The following EDEM2 variants were observed in gnomAD, a reference collection of about 807,000 sequenced individuals.
EDEM2 encodes the protein ER degradation enhancing alpha-mannosidase like protein 2, also known as ER degradation-enhancing alpha-mannosidase-like protein 2.
A neutral mutation model predicts 64.8 loss-of-function variants in EDEM2; 39 were observed. The observed-to-expected ratio is 0.60, with a 90% confidence interval of 0.47 to 0.79. EDEM2 has a LOEUF of 0.79. Among genes scored for constraint, EDEM2 ranks in the 30% least tolerant of loss-of-function variants. The pLI is 0.00. For missense variants in EDEM2, 609 were observed against 731.3 expected (o/e 0.83, Z 1.93); for synonymous variants, 296 against 291.5 (o/e 1.02, Z -0.16).
intron 7 of EDEM2, among the ~76,000 whole-genome samples, chr20:35,128,240 G>C (rs1180620447): frequency 6.6e-6 from 1 of 151,918 alleles, no homozygotes; most frequent in Non-Finnish European, 1.5e-5. Flanking sequence ...AAAATTAGCT[G>C]GGTGTGGTGG....
At chr20:35,140,223 C>T (rs77092339) in intron 4 of EDEM2, among the ~76,000 whole-genome samples, 1,646 of 152,294 alleles carry the variant, frequency 0.011, 14 homozygotes, top group Non-Finnish European at 0.013. Context: ...AGTGGCTAAA[C>T]CTGTAATTCC....
At chr20:35,135,507 C>T (rs2085563875) in intron 5 of EDEM2, among the ~76,000 whole-genome samples, 1 of 152,152 alleles carries the variant, frequency 6.6e-6, no homozygotes, top group African/African-American at 2.4e-5. Context: ...AAAAATTAGG[C>T]AAGCGTGGTG....
chr20:35,124,154 C>T (rs1310323802), intron 8 of EDEM2, 120 bp from the exon 9 acceptor site: 1 of 1,251,990 alleles, frequency 8.0e-7, no homozygotes, highest in Non-Finnish European at 1.1e-6. Context: ...ATCCCTGAGT[C>T]TGCCAGTTAC....
intron 3 of EDEM2, 73 bp downstream of exon 3, chr20:35,144,906 G>A: frequency 1.3e-6 from 2 of 1,538,612 alleles, no homozygotes; most frequent in Admixed American, 1.7e-5. Flanking sequence ...TTCACCCACA[G>A]TCACGCTGCC....
intron 9 of EDEM2, among the ~76,000 whole-genome samples, chr20:35,119,279 C>T (rs533447791): frequency 1.3e-5 from 2 of 152,044 alleles, no homozygotes; most frequent in East Asian, 3.9e-4. Context: ...TAGGATGGAC[C>T]AAAAGAAAAG....
chr20:35,122,906 G>C (rs1600702950), intron 9 of EDEM2, among the ~76,000 whole-genome samples: 1 of 152,196 alleles, frequency 6.6e-6, no homozygotes, highest in African/African-American at 2.4e-5. Flanking sequence ...TGGGAAAGTG[G>C]GAAGTGTCTA....
At chr20:35,142,946 C>T (rs1202772147) in intron 3 of EDEM2, among the ~76,000 whole-genome samples, 6 of 152,118 alleles carry the variant, frequency 3.9e-5, no homozygotes, top group Admixed American at 2.0e-4. Flanking sequence ...TTAGTAGAGA[C>T]GGGGTTTCAC....
rs773151735 is a variant in EDEM2, at chr20:35,123,895, C to T, written c.1109G>A (p.Arg370Gln). ...AAGCCAGAAATGCTGCTCACCTGGC[C>T]GAAGTGGGTAGCCCTCTCGCTTCTC... ...TVEKREGYPL[R>Q]PELIESAMYL... The change falls in exon 9 of 11, where the codon CGG (arginine) becomes CAG (glutamine). Residue 370 changes from arginine to glutamine, a missense_variant. Arg to Gln is a conservative substitution (Grantham distance 43). Transcript: ENST00000374492. 12 of 1,613,530 alleles carry T rather than the reference C, an allele frequency of 7.4e-6. No individual in the cohort carries two copies. Among genetic ancestry groups the T allele is most frequent in the Admixed American group, 1.7e-5 (1 of 59,974 alleles).
At chr20:35,135,432 C>T (rs773312754) in intron 5 of EDEM2, among the ~76,000 whole-genome samples, 19 of 152,196 alleles carry the variant, frequency 1.2e-4, no homozygotes, top group Non-Finnish European at 2.2e-4. Flanking sequence ...AGGCAGATCA[C>T]TTGAGGCCAG....
At chr20:35,140,343 G>C (rs1359147457) in intron 4 of EDEM2, among the ~76,000 whole-genome samples, 1 of 152,090 alleles carries the variant, frequency 6.6e-6, no homozygotes, top group Non-Finnish European at 1.5e-5. Flanking sequence ...AATTAGCCTG[G>C]TGTGGTGGTG....
At chr20:35,143,579 C>T (rs1251982137) in intron 3 of EDEM2, among the ~76,000 whole-genome samples, 1 of 152,164 alleles carries the variant, frequency 6.6e-6, no homozygotes, top group Non-Finnish European at 1.5e-5. Context: ...TAGCCAAATG[C>T]AATCTCAATC....
Position 35,147,278 on chromosome 20 carries a change from C to G in EDEM2, c.-20G>C. 1.3e-6 allele frequency: 2 copies of G among 1,500,916 alleles called. No individual in the cohort carries two copies. The highest frequency in any genetic ancestry group is 2.6e-5 in the South Asian group (2 of 76,738). 93.0% of individuals were successfully genotyped at this position (1,500,916 alleles called of 1,614,324 possible). On this transcript the variant is annotated 5_prime_UTR_variant, in exon 1 of 11. Transcript: ENST00000374492. The stretch of plus-strand genomic sequence containing the variant: ...AGGCATAGAGCTCGTGTCCTCTCAG[C>G]GCCCCCGCAGCAGCAGCAGCCACTG...
intron 4 of EDEM2, among the ~76,000 whole-genome samples, chr20:35,140,189 A>G (rs1441465577): frequency 1.3e-5 from 2 of 152,230 alleles, no homozygotes; most frequent in African/African-American, 4.8e-5. Flanking sequence ...AAATAGTCAA[A>G]AAAGTGGTAA....
At chr20:35,131,294 T>C (rs1340751770) in intron 7 of EDEM2, among the ~76,000 whole-genome samples, 1 of 152,216 alleles carries the variant, frequency 6.6e-6, no homozygotes, top group African/African-American at 2.4e-5. Flanking sequence ...CTCACACCTG[T>C]GATCCCAACA....
chr20:35,127,003 G>A (rs1434968596), intron 7 of EDEM2, among the ~76,000 whole-genome samples: 1 of 152,156 alleles, frequency 6.6e-6, no homozygotes. Flanking sequence ...TTTCTCACGT[G>A]TTGTGGAAGG....
chr20:35,145,413 C>T (rs946718499), intron 2 of EDEM2, among the ~76,000 whole-genome samples: 1 of 152,194 alleles, frequency 6.6e-6, no homozygotes, highest in Non-Finnish European at 1.5e-5. Context: ...CTGGAAAGAA[C>T]CCAACTGTCC....
Position 35,115,446 on chromosome 20 carries a change from AG to A in EDEM2, c.1723del (p.Leu575Ter). The A allele has an allele frequency of 6.2e-7, 1 of 1,613,798 alleles. No individual in the cohort carries two copies. Among genetic ancestry groups the A allele is most frequent in the Non-Finnish European group, 8.5e-7 (1 of 1,179,792 alleles). The stretch of plus-strand genomic sequence containing the variant: ...ATTATCCAGTGGTTATGAGGAGTCT[AG>A]GAAAACCTGTCCCAGTAATGCCAAC... ...SKLALLGQVFLDSS is the reference protein window; with the variant it reads ...SKLALLGQVFXDSS On this transcript the variant is annotated frameshift_variant, in exon 11 of 11. Transcript: ENST00000374492. LOFTEE classifies it high-confidence loss of function.
intron 6 of EDEM2, among the ~76,000 whole-genome samples, chr20:35,132,551 G>A (rs966186241): frequency 6.6e-6 from 1 of 152,132 alleles, no homozygotes; most frequent in Non-Finnish European, 1.5e-5. Flanking sequence ...CTACTCAGGA[G>A]GCAGAGGCAT....
rs1391369454 is a variant in EDEM2 at position 35,115,570 on chromosome 20, G to C, written c.1600C>G (p.Leu534Val). ...PWEPPARPGT[L>V]FSPENHDQAR... is the part of the protein sequence containing the mutation. ...TGGTCATGGTTTTCTGGTGAGAAGA[G>C]TGTTCCTGGCCTTGCTGGAGGTTCC... is the stretch of plus-strand genomic sequence containing the variant. Residue 534 changes from leucine to valine, a missense_variant, in exon 11 of 11, where the codon CTC (leucine) becomes GTC (valine). Leu to Val is a conservative substitution (Grantham distance 32). Transcript: ENST00000374492. 1 of 1,613,060 alleles carries C rather than the reference G, an allele frequency of 6.2e-7. No individual in the cohort carries two copies. Among genetic ancestry groups the C allele is most frequent in the Non-Finnish European group, 8.5e-7 (1 of 1,180,028 alleles).
Sources: gnomAD v4.1 joint callset for allele counts (sites outside exome capture counted in the v4.1 genomes callset) on GRCh38, gnomAD v4.1.1 for gene constraint, MANE v1.5 for transcripts, NCBI Gene and HGNC (gene_info 2026-07-23, HGNC 2026-07-21) for gene names.